KCNG3: variants seen among roughly 807,000 people sequenced by gnomAD.
KCNG3 encodes potassium voltage-gated channel modifier subfamily G member 3.
KCNG3 carries 15 observed loss-of-function variants against 29.0 expected under a neutral mutation model. The ratio of observed to expected loss-of-function variants is 0.52; its 90% CI spans 0.35 to 0.80. KCNG3 has a LOEUF of 0.80. KCNG3 is among the 30% of genes least tolerant of loss of function. The pLI is 0.01. For synonymous variants in KCNG3, 322 were observed against 248.9 expected (o/e 1.29, Z -2.76); for missense variants, 512 against 605.7 (o/e 0.85, Z 1.62).
chr2:42,422,056 G>A, the KCNG3 span, among the ~76,000 whole-genome samples: 1 of 152,138 alleles, frequency 6.6e-6, no homozygotes, highest in Non-Finnish European at 1.5e-5. Context: ...TGAGGGTGTG[G>A]TAAAACCAGA....
At chr2:42,405,882 A>T in the KCNG3 span, among the ~76,000 whole-genome samples, 1 of 152,128 alleles carries the variant, frequency 6.6e-6, no homozygotes, top group Non-Finnish European at 1.5e-5. Flanking sequence ...CTGGGATTAC[A>T]GGTGTGAGCC....
At position 42,492,849 on chromosome 2, in the gene KCNG3, C is replaced by A; in HGVS notation, c.653G>T (p.Arg218Met). 6.7e-7 allele frequency: 1 copy of A among 1,501,730 alleles called. No individual in the cohort carries two copies. Among genetic ancestry groups the A allele is most frequent in the East Asian group, 2.5e-5 (1 of 40,582 alleles). The allele number at this position is 1,501,730 out of a possible 1,614,324, so 93.0% of individuals were successfully genotyped here. A position where few individuals can be genotyped will look rare whatever the true frequency, so the allele number is the denominator to read the frequency against. Residue 218 changes from arginine to methionine, a missense_variant, in exon 1 of 2, where the codon AGG (arginine) becomes ATG (methionine). Arg to Met is a moderately conservative substitution (Grantham distance 91). Transcript: ENST00000306078. ...CAGTGCGTCCTACCCGGAGGGCTCC[C>A]TCCCAGGGCCGGCGGAGTACCTGCT... is the stretch of plus-strand genomic sequence containing the variant. ...DRSRYSAGPG[R>M]EPSGIIEAIC...
At chr2:42,435,378 T>C in the KCNG3 span, among the ~76,000 whole-genome samples, 2 of 152,210 alleles carry the variant, frequency 1.3e-5, no homozygotes, top group Non-Finnish European at 2.9e-5. Context: ...TTATTAGATA[T>C]GACACCAGAA....
the KCNG3 span, among the ~76,000 whole-genome samples, chr2:42,434,194 G>A: frequency 6.6e-6 from 1 of 152,116 alleles, no homozygotes; most frequent in African/African-American, 2.4e-5. Flanking sequence ...GCCTACACCT[G>A]TAATCCCAAT....
At chr2:42,435,227 A>T in the KCNG3 span, among the ~76,000 whole-genome samples, 2 of 151,856 alleles carry the variant, frequency 1.3e-5, no homozygotes, top group African/African-American at 4.8e-5. Context: ...CGCTTGAACC[A>T]GGGAGGCGGA....
intron 1 of KCNG3, among the ~76,000 whole-genome samples, chr2:42,474,955 G>C (rs907220086): frequency 6.6e-6 from 1 of 152,136 alleles, no homozygotes; most frequent in Admixed American, 6.6e-5. Flanking sequence ...ATCATAATTA[G>C]ACCAGGCTAC....
chr2:42,406,480 A>G, the KCNG3 span, among the ~76,000 whole-genome samples: 1 of 150,176 alleles, frequency 6.7e-6, no homozygotes. Flanking sequence ...CGGCCTCCCA[A>G]AGTGCTGGGA....
At chr2:42,471,585 G>A (rs2103708925) in intron 1 of KCNG3, among the ~76,000 whole-genome samples, 1 of 152,194 alleles carries the variant, frequency 6.6e-6, no homozygotes, top group Non-Finnish European at 1.5e-5. Flanking sequence ...ACAATGTAGT[G>A]CGTATCATAA....
At chr2:42,422,374 C>T in the KCNG3 span, among the ~76,000 whole-genome samples, 1 of 152,052 alleles carries the variant, frequency 6.6e-6, no homozygotes, top group Non-Finnish European at 1.5e-5. Flanking sequence ...AGCTAGAAGG[C>T]CCTCACCAGA....
the KCNG3 span, among the ~76,000 whole-genome samples, chr2:42,389,393 A>C: frequency 6.6e-6 from 1 of 152,162 alleles, no homozygotes; most frequent in South Asian, 2.1e-4. Flanking sequence ...TACCAACTTT[A>C]CTCAGAGTGC....
the KCNG3 span, among the ~76,000 whole-genome samples, chr2:42,433,729 C>G: frequency 2.0e-5 from 3 of 152,076 alleles, no homozygotes; most frequent in African/African-American, 7.2e-5. Flanking sequence ...CAGAACAAAA[C>G]TCTGTCTCAA....
chr2:42,436,504 C>T, the KCNG3 span, among the ~76,000 whole-genome samples: 1 of 152,228 alleles, frequency 6.6e-6, no homozygotes, highest in African/African-American at 2.4e-5. Context: ...CAGAGCCACA[C>T]TGCCAATAAC....
chr2:42,487,822 A>G (rs182696684), intron 1 of KCNG3, among the ~76,000 whole-genome samples: 19 of 152,300 alleles, frequency 1.2e-4, no homozygotes, highest in Admixed American at 2.6e-4. Flanking sequence ...CAGGATAATC[A>G]CTGCAGCGTT....
intron 1 of KCNG3, among the ~76,000 whole-genome samples, chr2:42,476,466 G>C (rs889351211): frequency 2.0e-5 from 3 of 151,578 alleles, no homozygotes; most frequent in Non-Finnish European, 2.9e-5. Flanking sequence ...AACAGAGTGA[G>C]ATCCTTCTCA....
intron 1 of KCNG3, among the ~76,000 whole-genome samples, chr2:42,473,630 G>A (rs1673347560): frequency 6.6e-6 from 1 of 152,060 alleles, no homozygotes; most frequent in Non-Finnish European, 1.5e-5. Context: ...GATTACAGGA[G>A]TAAGCCACCA....
At chr2:42,484,314 T>C (rs1426321666) in intron 1 of KCNG3, among the ~76,000 whole-genome samples, 1 of 152,074 alleles carries the variant, frequency 6.6e-6, no homozygotes, top group South Asian at 2.1e-4. Context: ...ATACAAAAAT[T>C]AGCTGGACAT....
Position 42,493,374 on chromosome 2 carries a change from G to C in KCNG3, c.128C>G (p.Ser43Cys). 1 of 1,557,756 alleles carries C rather than the reference G, an allele frequency of 6.4e-7. No homozygotes were observed. Among genetic ancestry groups the C allele is most frequent in the Non-Finnish European group, 8.7e-7 (1 of 1,151,964 alleles). Residue 43 changes from serine to cysteine, a missense_variant, in exon 1 of 2, where the codon TCC becomes TGC. By Grantham distance (112) the Ser-to-Cys change is moderately radical. Around this residue, in one of 5 missense-constraint regions of KCNG3, gnomAD observed 91 missense variants for 91.1 expected, o/e 1.00. Transcript: ENST00000306078. Reference protein sequence around the residue: ...RRVSRLHGCRSERDVLEVCDD... With the variant: ...RRVSRLHGCRCERDVLEVCDD... ...GCACACCTCGAGCACGTCGCGCTCG[G>C]AGCGGCAGCCGTGCAGCCGGCTCAC...
At chr2:42,483,995 C>G (rs1016035414) in intron 1 of KCNG3, among the ~76,000 whole-genome samples, 4 of 152,136 alleles carry the variant, frequency 2.6e-5, no homozygotes, top group African/African-American at 9.7e-5. Flanking sequence ...GTTGCCCAGG[C>G]TGGTCTCGAA....
intron 1 of KCNG3, among the ~76,000 whole-genome samples, chr2:42,474,474 G>C (rs961418887): frequency 2.0e-5 from 3 of 152,194 alleles, no homozygotes; most frequent in South Asian, 4.1e-4. Context: ...GTTGCAGTGA[G>C]CCAAGATGGC....
Sources: gnomAD v4.1 joint callset for allele counts (sites outside exome capture counted in the v4.1 genomes callset) on GRCh38, gnomAD v4.1.1 for gene constraint, gnomAD v4.1.1 regional missense constraint, MANE v1.5 for transcripts, NCBI Gene and HGNC (gene_info 2026-07-23, HGNC 2026-07-21) for gene names.